The following CUL5 variants were observed in gnomAD, a reference collection of about 807,000 sequenced individuals.
CUL5 encodes cullin-5.
CUL5 carries 26 observed loss-of-function variants against 108.8 expected under a neutral mutation model. The observed-to-expected ratio is 0.24, with a 90% CI of 0.18 to 0.33. CUL5 has a LOEUF of 0.33. Ranked by LOEUF, CUL5 falls within the 10% of genes least tolerant of loss-of-function variation. The pLI is 1.00. For missense variants in CUL5, 524 were observed against 909.2 expected (o/e 0.58, Z 5.45); for synonymous variants, 334 against 298.0 (o/e 1.12, Z -1.25).
chr11:108,054,558 A>G, intron 5 of CUL5, 89 bp from the exon 6 acceptor site: 1 of 879,208 alleles, frequency 1.1e-6, no homozygotes, highest in Non-Finnish European at 1.7e-6. Context: ...CCTTGCACAT[A>G]ATGACTCCTC....
intron 15 of CUL5, 58 bp from the exon 16 acceptor site, chr11:108,095,472 A>G: frequency 1.7e-6 from 2 of 1,158,230 alleles, no homozygotes; most frequent in Admixed American, 4.8e-5. Flanking sequence ...CATGTCATAG[A>G]TATTAAGAGA....
intron 7 of CUL5, among the ~76,000 whole-genome samples, chr11:108,060,578 C>T (rs1591306525): frequency 1.3e-5 from 2 of 152,174 alleles, no homozygotes; most frequent in Non-Finnish European, 2.9e-5. Context: ...GCCCACGCCT[C>T]TAATCCCAGC....
chr11:108,072,299 A>G (rs1262142475), intron 8 of CUL5, 33 bp from the exon 9 acceptor site: 2 of 1,529,534 alleles, frequency 1.3e-6, no homozygotes, highest in Non-Finnish European at 1.8e-6. Context: ...CTAGTAAATG[A>G]AATGATTACA....
chr11:108,096,756 G>A (rs914589141), intron 16 of CUL5, among the ~76,000 whole-genome samples: 5 of 151,710 alleles, frequency 3.3e-5, no homozygotes, highest in South Asian at 2.1e-4. Context: ...AGTGGAGACG[G>A]GGTTTCACCA....
chr11:108,098,383 A>T, intron 17 of CUL5, 23 bp from the exon 18 acceptor site: 1 of 1,588,018 alleles, frequency 6.3e-7, no homozygotes, highest in South Asian at 1.2e-5. Flanking sequence ...ACCATAAAAT[A>T]CTTGATGCAA....
At chr11:108,018,622 C>T (rs1360256123) in intron 1 of CUL5, among the ~76,000 whole-genome samples, 1 of 151,998 alleles carries the variant, frequency 6.6e-6, no homozygotes, top group Admixed American at 6.5e-5. Context: ...TTGCAGGGAG[C>T]CGAGATCACG....
chr11:108,016,392 C>T (rs563312817), intron 1 of CUL5, among the ~76,000 whole-genome samples: 1 of 152,224 alleles, frequency 6.6e-6, no homozygotes, highest in African/African-American at 2.4e-5. Flanking sequence ...CTCATCCTCC[C>T]ACAGGTGCAA....
At chr11:108,088,755 T>C (rs1864283010) in intron 12 of CUL5, 96 bp downstream of exon 12, 2 of 912,790 alleles carry the variant, frequency 2.2e-6, no homozygotes, top group South Asian at 2.3e-5. Flanking sequence ...AATTTAAAAA[T>C]GTATTATCTG....
intron 11 of CUL5, among the ~76,000 whole-genome samples, chr11:108,082,125 G>A (rs999254155): frequency 1.3e-5 from 2 of 152,116 alleles, no homozygotes; most frequent in Admixed American, 1.3e-4. Context: ...AGCTTTCAGT[G>A]TACAAGTCTT....
chr11:108,032,594 TC>T (rs1157321972), intron 1 of CUL5, among the ~76,000 whole-genome samples: 1 of 152,132 alleles, frequency 6.6e-6, no homozygotes, highest in Admixed American at 6.6e-5. Context: ...TCTCTCTCTC[TC>T]TCTCTCTGTT....
At chr11:108,053,014 TA>T (rs1463170082) in intron 5 of CUL5, among the ~76,000 whole-genome samples, 1 of 152,236 alleles carries the variant, frequency 6.6e-6, no homozygotes, top group African/African-American at 2.4e-5. Flanking sequence ...TTCATGCCAT[TA>T]ATTTCTTGGC....
At chr11:108,075,476 G>T (rs1863920190) in intron 10 of CUL5, among the ~76,000 whole-genome samples, 1 of 152,212 alleles carries the variant, frequency 6.6e-6, no homozygotes, top group Non-Finnish European at 1.5e-5. Context: ...ATGTGGGAAG[G>T]TTTGACAGCA....
chr11:108,096,082 T>A, intron 16 of CUL5, among the ~76,000 whole-genome samples: 1 of 139,698 alleles, frequency 7.2e-6, no homozygotes, highest in Non-Finnish European at 1.5e-5. Flanking sequence ...GGCAACAGAG[T>A]GAGAACTCCG....
chr11:108,064,710 AAAAAAC>A (rs746498757), intron 7 of CUL5, among the ~76,000 whole-genome samples: 4 of 152,220 alleles, frequency 2.6e-5, no homozygotes, highest in African/African-American at 4.8e-5. Flanking sequence ...ACTCTGTCTC[AAAAAAC>A]AAAAACAAAA....
intron 2 of CUL5, among the ~76,000 whole-genome samples, chr11:108,045,699 C>A (rs572719457): frequency 7.6e-4 from 115 of 151,994 alleles, no homozygotes; most frequent in Non-Finnish European, 1.2e-3. Flanking sequence ...GTTTCTACAA[C>A]AAAATTTAAA....
chr11:108,042,983 G>A (rs548261937), intron 2 of CUL5, among the ~76,000 whole-genome samples: 3 of 152,224 alleles, frequency 2.0e-5, no homozygotes, highest in Admixed American at 1.3e-4. Flanking sequence ...GGTTGGTTGC[G>A]AACTCCTGGC....
intron 4 of CUL5, among the ~76,000 whole-genome samples, chr11:108,051,132 A>G (rs1863210528): frequency 6.6e-6 from 1 of 152,224 alleles, no homozygotes; most frequent in Non-Finnish European, 1.5e-5. Context: ...TGATGTTGAC[A>G]GGGATACTGT....
intron 2 of CUL5, among the ~76,000 whole-genome samples, chr11:108,035,509 G>T (rs972636935): frequency 6.6e-6 from 1 of 151,966 alleles, no homozygotes; most frequent in African/African-American, 2.4e-5. Flanking sequence ...GGCCAAGACA[G>T]GGTGATCGCT....
chr11:108,036,747 G>A (rs979284364), intron 2 of CUL5, among the ~76,000 whole-genome samples: 1 of 152,190 alleles, frequency 6.6e-6, no homozygotes, highest in African/African-American at 2.4e-5. Context: ...CCAAAGTGTT[G>A]GGATTACAGG....
Sources: gnomAD v4.1 joint callset for allele counts (sites outside exome capture counted in the v4.1 genomes callset) on GRCh38, gnomAD v4.1.1 for gene constraint, MANE v1.5 for transcripts, NCBI Gene and HGNC (gene_info 2026-07-23, HGNC 2026-07-21) for gene names.